GRID2: variants seen among roughly 807,000 people sequenced by gnomAD.
The protein encoded by GRID2 is glutamate receptor ionotropic, delta-2.
GRID2 carries 33 observed loss-of-function variants against 114.8 expected under a neutral mutation model. The ratio of observed to expected loss-of-function variants is 0.29; its 90% CI spans 0.22 to 0.38. The LOEUF is 0.38. Ranked by LOEUF, GRID2 falls within the 10% of genes least tolerant of loss-of-function variation. GRID2 has a pLI of 1.00. For synonymous variants in GRID2, 505 were observed against 449.9 expected, an observed-to-expected ratio of 1.12 and a Z score of -1.55; for missense variants, 1,184 against 1,257.7, an observed-to-expected ratio of 0.94 and a Z score of 0.89.
chr4:93,680,731 C>T lies in GRID2; in HGVS notation c.2360+54296C>T, dbSNP rs1462710076. On this transcript the variant is annotated intron_variant, in intron 14 of 15. Transcript: ENST00000282020. ...AGGCCTTTGACAAAATTCAACAACCCTTCATGCTAAAAACTCTCAATAAAT... is the reference window on the plus strand; with the variant it reads ...AGGCCTTTGACAAAATTCAACAACCTTTCATGCTAAAAACTCTCAATAAAT... Among the ~76,000 whole-genome samples the T allele has an allele frequency of 1.7e-3, 265 of 151,738 alleles. 2 individuals are homozygous for T. The highest frequency in any genetic ancestry group is 4.5e-3 in the African/African-American group (188 of 41,330).
intron 4 of GRID2, among the ~76,000 whole-genome samples, chr4:93,135,433 C>T (rs184269723): frequency 4.7e-4 from 72 of 152,220 alleles, no homozygotes; most frequent in African/African-American, 1.5e-3. Flanking sequence ...AGAAAGCTTC[C>T]GTGTGTGCCA....
intron 14 of GRID2, among the ~76,000 whole-genome samples, chr4:93,725,563 A>T (rs370153539): frequency 0.039 from 5,855 of 150,816 alleles, 184 homozygotes; most frequent in African/African-American, 0.078. Context: ...CGCCACACTG[A>T]CTTCCACAAT....
chr4:92,939,726 A>T (rs1336698652), intron 2 of GRID2, among the ~76,000 whole-genome samples: 11 of 146,882 alleles, frequency 7.5e-5, no homozygotes, highest in Admixed American at 1.5e-4. Context: ...TTAATCCATC[A>T]TGAATTAATT....
Position 93,159,693 on chromosome 4 carries a change from ATTT to A in GRID2, c.736-47697_736-47695del, listed in dbSNP as rs34480915. 9.4e-3 allele frequency among the ~76,000 whole-genome samples: 1,233 copies of A among 131,092 alleles called. 19 individuals carry two copies. Among genetic ancestry groups the A allele is most frequent in the African/African-American group, 0.033 (1,172 of 35,754 alleles). 86.0% of individuals were successfully genotyped at this position (131,092 alleles called of 152,430 possible). On this transcript the variant is annotated intron_variant, in intron 4 of 15. Transcript: ENST00000282020. ...CAGATAAGAATTTTTTTCCATCTGC[ATTT>A]TTTTTTTTTTTTTGCTTTTCTGTTT...
chr4:92,667,775 T>C (rs544677245), intron 2 of GRID2, among the ~76,000 whole-genome samples: 2 of 151,870 alleles, frequency 1.3e-5, no homozygotes, highest in East Asian at 3.9e-4. Flanking sequence ...CTTATTAAAG[T>C]AAATCTCATT....
rs1411855624 is a variant in GRID2 at position 93,179,982 on chromosome 4, G to A, written c.736-27422G>A. Among the ~76,000 whole-genome samples the A allele has an allele frequency of 2.6e-5, 4 of 152,186 alleles. No homozygotes were observed. In the Middle Eastern group the frequency reaches 0.01, roughly 391 times the overall value. Reference sequence around the variant, plus strand: ...TTTTGCATTCTAACTCTCGGAATACGTGCTGTTTGAAGTTCTCTCATTACT... The same window carrying A: ...TTTTGCATTCTAACTCTCGGAATACATGCTGTTTGAAGTTCTCTCATTACT... On this transcript the variant is annotated intron_variant, in intron 4 of 15. Transcript: ENST00000282020.
chr4:93,622,343 TC>T (rs1226701543), intron 13 of GRID2, among the ~76,000 whole-genome samples: 2 of 152,176 alleles, frequency 1.3e-5, no homozygotes, highest in Non-Finnish European at 2.9e-5. Flanking sequence ...TAAAATTGTT[TC>T]CGATGATATT....
intron 2 of GRID2, among the ~76,000 whole-genome samples, chr4:92,821,018 T>C (rs991842638): frequency 5.3e-5 from 8 of 152,206 alleles, no homozygotes; most frequent in African/African-American, 1.7e-4. Flanking sequence ...CATGGAAGTA[T>C]GCATAAATAT....
At chr4:93,767,097 A>G (rs1733734960) in intron 14 of GRID2, among the ~76,000 whole-genome samples, 1 of 152,170 alleles carries the variant, frequency 6.6e-6, no homozygotes, top group Non-Finnish European at 1.5e-5. Context: ...TCCCATGTGT[A>G]TTTCTTAAAC....
At chr4:93,307,564 A>T (rs146041013) in intron 8 of GRID2, among the ~76,000 whole-genome samples, 1 of 152,220 alleles carries the variant, frequency 6.6e-6, no homozygotes, top group East Asian at 1.9e-4. Context: ...CCATGCAGGG[A>T]TCTTGATGCA....
intron 1 of GRID2, among the ~76,000 whole-genome samples, chr4:92,421,607 AC>A (rs1213040694): frequency 2.6e-5 from 4 of 152,124 alleles, no homozygotes; most frequent in African/African-American, 4.8e-5. Context: ...TGTTATTCAA[AC>A]AGGACTAATA....
intron 8 of GRID2, among the ~76,000 whole-genome samples, chr4:93,247,534 C>T (rs929954939): frequency 6.6e-6 from 1 of 152,072 alleles, no homozygotes; most frequent in South Asian, 2.1e-4. Context: ...GGGAATTGCA[C>T]CATCAGCCCC....
Position 92,369,291 on chromosome 4 carries a change from A to G in GRID2, c.88+64547A>G, listed in dbSNP as rs530264578. Among the ~76,000 whole-genome samples, 6 of 152,260 alleles carry G rather than the reference A, an allele frequency of 3.9e-5. No homozygotes were observed. The South Asian group carries it at 6.2e-4, about 16-fold the overall frequency. Reference sequence around the variant, plus strand: ...CCTTCACAGAGATTCCCCTAATGTTAGACTAATGGTCCTAACTTTAATAAA... The same window carrying G: ...CCTTCACAGAGATTCCCCTAATGTTGGACTAATGGTCCTAACTTTAATAAA... On this transcript the variant is annotated intron_variant, in intron 1 of 15. Transcript: ENST00000282020.
chr4:93,122,168 C>T (rs2149363324), intron 4 of GRID2, among the ~76,000 whole-genome samples: 1 of 152,052 alleles, frequency 6.6e-6, no homozygotes, highest in South Asian at 2.1e-4. Context: ...ATGCTTCTTA[C>T]TCCAAAATCA....
chr4:92,437,537 G>A (rs766440232), intron 1 of GRID2, among the ~76,000 whole-genome samples: 8 of 152,174 alleles, frequency 5.3e-5, no homozygotes, highest in Admixed American at 2.0e-4. Context: ...CCAAAGTGCT[G>A]GGATTACAGG....
intron 3 of GRID2, among the ~76,000 whole-genome samples, chr4:93,102,667 G>A (rs1731814663): frequency 6.6e-6 from 1 of 151,792 alleles, no homozygotes; most frequent in South Asian, 2.1e-4. Context: ...GAGGCATCCA[G>A]ATTTATTTCT....
chr4:92,734,111 T>G (rs1736468555), intron 2 of GRID2, among the ~76,000 whole-genome samples: 1 of 152,136 alleles, frequency 6.6e-6, no homozygotes, highest in African/African-American at 2.4e-5. Context: ...GCTTTGTAAT[T>G]TATTTTTACA....
At chr4:92,763,005 T>G (rs1483152848) in intron 2 of GRID2, among the ~76,000 whole-genome samples, 2 of 152,156 alleles carry the variant, frequency 1.3e-5, no homozygotes, top group African/African-American at 4.8e-5. Context: ...GTTATATAAG[T>G]CTGGGGATTG....
intron 13 of GRID2, among the ~76,000 whole-genome samples, chr4:93,530,271 TTATCTC>T (rs796569576): frequency 1.3e-5 from 2 of 152,280 alleles, no homozygotes; most frequent in African/African-American, 4.8e-5. Context: ...GTGTTCCACT[TTATCTC>T]TAGTGCAAAT....
Sources: allele counts gnomAD v4.1 joint callset (sites outside exome capture counted in the v4.1 genomes callset), GRCh38; gene constraint gnomAD v4.1.1; transcripts MANE v1.5; gene names NCBI Gene and HGNC (gene_info 2026-07-23, HGNC 2026-07-21).